Variants in ZFYVE27 observed in about 807,000 individuals in gnomAD.
The protein encoded by ZFYVE27 is protrudin.
ZFYVE27 carries 36 observed loss-of-function variants against 52.8 expected under a neutral mutation model. The ratio of observed to expected loss-of-function variants is 0.68; its 90% CI spans 0.52 to 0.90. The LOEUF (loss-of-function observed/expected upper bound fraction) is 0.90, where lower values mean the gene tolerates loss of function less well. Among genes scored for constraint, ZFYVE27 ranks in the 40% least tolerant of loss-of-function variants. The pLI, the probability that ZFYVE27 is intolerant of heterozygous loss-of-function variation, is 0.00. For synonymous variants in ZFYVE27, 223 were observed against 215.6 expected (o/e 1.03, Z -0.30); for missense variants, 450 against 527.2 (o/e 0.85, Z 1.43).
Position 97,754,561 on chromosome 10 carries a change from T to G in ZFYVE27, c.1042+1379T>G, listed in dbSNP as rs115234909. On this transcript the variant is annotated intron_variant, in intron 10 of 12. Coordinates refer to ENST00000684270, the MANE Select transcript of ZFYVE27 (RefSeq NM_001385875.1). Reference sequence around the variant, plus strand: ...AACTCTTGGGTTTAAGTGATTCTTGTACCTTGGTCTTCCAAAGTGTTAGGA... The same window carrying G: ...AACTCTTGGGTTTAAGTGATTCTTGGACCTTGGTCTTCCAAAGTGTTAGGA... Among the ~76,000 whole-genome samples the G allele has an allele frequency of 2.9e-3, 438 of 152,270 alleles. 4 individuals are homozygous for G. The highest frequency in any genetic ancestry group is 9.8e-3 in the African/African-American group (409 of 41,554).
intron 2 of ZFYVE27, among the ~76,000 whole-genome samples, chr10:97,740,526 T>A (rs1262031453): frequency 1.3e-5 from 2 of 152,254 alleles, no homozygotes; most frequent in Non-Finnish European, 2.9e-5. Context: ...GTGTATCCTG[T>A]CCTGCCCGTC....
chr10:97,748,363 CAGTG>C lies in ZFYVE27; in HGVS notation c.551+5_551+8del. On this transcript the variant is annotated splice_donor_variant and splice_donor_region_variant and coding_sequence_variant and intron_variant, in exon 5 of 13. Coordinates refer to ENST00000684270, the MANE Select transcript of ZFYVE27 (RefSeq NM_001385875.1). LOFTEE classifies it high-confidence loss of function. ...CTGGGAGAACCCCGTCGTGTCCTCA[CAGTG>C]AGTGACCCCTCCTCTCCCGCCACCA... 1.2e-6 allele frequency: 2 copies of C among 1,613,952 alleles called. No homozygotes were observed. Among genetic ancestry groups the C allele is most frequent in the Non-Finnish European group, 1.7e-6 (2 of 1,179,930 alleles).
chr10:97,742,409 G>A (rs1349390685), intron 2 of ZFYVE27, among the ~76,000 whole-genome samples: 1 of 152,162 alleles, frequency 6.6e-6, no homozygotes, highest in East Asian at 1.9e-4. Context: ...CCATTTGGTG[G>A]TGGTGGTGGT....
intron 4 of ZFYVE27, among the ~76,000 whole-genome samples, chr10:97,745,786 T>C (rs2045149109): frequency 6.6e-6 from 1 of 152,102 alleles, no homozygotes; most frequent in South Asian, 2.1e-4. Flanking sequence ...TGAGGAAGCA[T>C]TTTAAGACTT....
At chr10:97,743,066 G>T (rs80117547) in intron 2 of ZFYVE27, 28 bp from the exon 3 acceptor site, 52,001 of 1,613,362 alleles carry the variant, frequency 0.032, 1,024 homozygotes, top group African/African-American at 0.06. Flanking sequence ...GTGACTCTCT[G>T]TAGTGATCAG....
chr10:97,756,491 C>T (rs910710624), intron 10 of ZFYVE27, among the ~76,000 whole-genome samples: 3 of 152,162 alleles, frequency 2.0e-5, no homozygotes, highest in African/African-American at 7.2e-5. Flanking sequence ...ACAGGTGGTC[C>T]GGCTGGGTCA....
chr10:97,745,891 G>A (rs892797707), intron 4 of ZFYVE27, among the ~76,000 whole-genome samples: 4 of 151,988 alleles, frequency 2.6e-5, no homozygotes, highest in East Asian at 1.9e-4. Flanking sequence ...TAGAATAGGG[G>A]CAAGAAAAGT....
chr10:97,743,119 C>T lies in ZFYVE27; in HGVS notation c.223C>T (p.Leu75=), dbSNP rs1396691082. 4 of 1,614,246 alleles carry T rather than the reference C, an allele frequency of 2.5e-6. No individual in the cohort carries two copies. In the South Asian group the frequency reaches 3.3e-5, roughly 13 times the overall value. The change falls in exon 3 of 13, where the codon CTG becomes TTG. Residue 75 remains leucine (L), a synonymous_variant. Coordinates refer to ENST00000684270, the MANE Select transcript of ZFYVE27 (RefSeq NM_001385875.1). ...LRWQMPLCSL[L]TCLGLNVLFL... Reference sequence around the variant, plus strand: ...GTGGCAGATGCCTTTGTGTTCCTTGCTGACCTGCCTGGGCCTCAACGTCTT... The same window carrying T: ...GTGGCAGATGCCTTTGTGTTCCTTGTTGACCTGCCTGGGCCTCAACGTCTT...
At chr10:97,751,652 G>C (rs1472885026) in intron 8 of ZFYVE27, among the ~76,000 whole-genome samples, 190 bp downstream of exon 8, 1 of 152,200 alleles carries the variant, frequency 6.6e-6, no homozygotes, top group Non-Finnish European at 1.5e-5. Context: ...AGCTGTCCTG[G>C]GTGCCCAGGG....
At chr10:97,754,016 C>A (rs547203616) in intron 10 of ZFYVE27, among the ~76,000 whole-genome samples, 1 of 152,266 alleles carries the variant, frequency 6.6e-6, no homozygotes, top group African/African-American at 2.4e-5. Context: ...TGGTGGAAAC[C>A]TAGAGTAGCT....
intron 2 of ZFYVE27, 49 bp from the exon 3 acceptor site, chr10:97,743,045 C>T (rs749664008): frequency 6.3e-7 from 1 of 1,597,966 alleles, no homozygotes; most frequent in Non-Finnish European, 8.6e-7. Context: ...CTCCCCTCCC[C>T]AGCTGGAGGA....
In ZFYVE27 at chr10:97,750,489, G is replaced by T. The variant is rs780188417; in HGVS notation, c.804+19G>T. ...CACGGAGGTAAGTGCCACTGTCAGGGCAGAGCCTGCTGTGGCCGCTTGTGG... is the reference window on the plus strand; with the variant it reads ...CACGGAGGTAAGTGCCACTGTCAGGTCAGAGCCTGCTGTGGCCGCTTGTGG... On this transcript the variant is annotated intron_variant, in intron 7 of 12. Coordinates refer to ENST00000684270, the MANE Select transcript of ZFYVE27 (RefSeq NM_001385875.1). The T allele has an allele frequency of 6.2e-7, 1 of 1,613,586 alleles. No homozygotes were observed. Among genetic ancestry groups the T allele is most frequent in the Admixed American group, 1.7e-5 (1 of 60,022 alleles).
At chr10:97,755,376 T>A (rs1484397333) in intron 10 of ZFYVE27, among the ~76,000 whole-genome samples, 1 of 152,174 alleles carries the variant, frequency 6.6e-6, no homozygotes, top group Non-Finnish European at 1.5e-5. Flanking sequence ...GCTGGGGGGC[T>A]TTTAAATAAT....
rs779442425 is a variant in ZFYVE27, at chr10:97,753,081, C to T, written c.941C>T (p.Ala314Val). Reference protein sequence around the residue: ...GAPCPAEDELALQDNGFLSKN... With the variant: ...GAPCPAEDELVLQDNGFLSKN... ...CCGTGCCCAGCAGAGGATGAGCTGGCCCTGCAGGACAACGGGTTCCTGAGC... is the reference window on the plus strand; with the variant it reads ...CCGTGCCCAGCAGAGGATGAGCTGGTCCTGCAGGACAACGGGTTCCTGAGC... Residue 314 changes from alanine (A) to valine (V), a missense_variant, in exon 10 of 13, where the codon GCC becomes GTC. Physicochemically the swap from Ala to Val is moderately conservative, Grantham distance 64 (BLOSUM62 0). Coordinates refer to ENST00000684270, the MANE Select transcript of ZFYVE27 (RefSeq NM_001385875.1). 1.2e-6 allele frequency: 2 copies of T among 1,611,596 alleles called. No individual in the cohort carries two copies. The highest frequency in any genetic ancestry group is 1.7e-6 in the Non-Finnish European group (2 of 1,179,044).
intron 2 of ZFYVE27, among the ~76,000 whole-genome samples, chr10:97,741,707 A>G (rs887588471): frequency 6.6e-6 from 1 of 152,168 alleles, no homozygotes; most frequent in Non-Finnish European, 1.5e-5. Flanking sequence ...GCACGTGTAT[A>G]CCTACGTAAC....
intron 3 of ZFYVE27, among the ~76,000 whole-genome samples, chr10:97,743,706 C>T (rs941797995): frequency 2.0e-5 from 3 of 152,178 alleles, no homozygotes; most frequent in East Asian, 3.8e-4. Context: ...GTGAGCCTAA[C>T]GGGAGCTGCT....
Position 97,757,680 on chromosome 10 carries a change from A to G in ZFYVE27, c.1128A>G (p.Arg376=), listed in dbSNP as rs776512184. 7 of 1,614,188 alleles carry G rather than the reference A, an allele frequency of 4.3e-6. No homozygotes were observed. The highest frequency in any genetic ancestry group is 4.2e-6 in the Non-Finnish European group (5 of 1,180,022). The change falls in exon 12 of 13, where the codon CGA becomes CGG. Residue 376 remains arginine (R), a synonymous_variant. Transcript: ENST00000684270. ...ATTGTGGAAACAGCTTCTGCTCTCG[A>G]TGCTGCTCCTTCAAGGTGCCCAAGT... ...CSNCGNSFCS[R]CCSFKVPKSS...
chr10:97,759,368 C>T lies in ZFYVE27; in HGVS notation c.*68C>T, dbSNP rs1453234183. The T allele has an allele frequency of 2.6e-6, 4 of 1,558,018 alleles. No individual in the cohort carries two copies. In the East Asian group the frequency reaches 6.7e-5, roughly 26 times the overall value. ...AGCAGTAGACCCCCCACTCTCCCCACCCCTGGCCCACTGTGGTGTGTGCTG... is the reference window on the plus strand; with the variant it reads ...AGCAGTAGACCCCCCACTCTCCCCATCCCTGGCCCACTGTGGTGTGTGCTG... On this transcript the variant is annotated 3_prime_UTR_variant, in exon 13 of 13. Coordinates refer to ENST00000684270, the MANE Select transcript of ZFYVE27 (RefSeq NM_001385875.1).
At chr10:97,743,667 A>G (rs1186144178) in intron 3 of ZFYVE27, among the ~76,000 whole-genome samples, 2 of 152,230 alleles carry the variant, frequency 1.3e-5, no homozygotes, top group African/African-American at 2.4e-5. Flanking sequence ...GATTTTTGCC[A>G]TATCTGTTGC....
Sources: allele counts gnomAD v4.1 joint callset (sites outside exome capture counted in the v4.1 genomes callset), GRCh38; gene constraint gnomAD v4.1.1; transcripts MANE v1.5; gene names NCBI Gene and HGNC (gene_info 2026-07-23, HGNC 2026-07-21).